NBPF20: variants seen among roughly 807,000 people sequenced by gnomAD.
NBPF20 encodes NBPF member 20.
A neutral mutation model predicts 68.1 loss-of-function variants in NBPF20; 90 were observed. The observed-to-expected ratio is 1.32, with a 90% CI of 1.11 to 1.58. The LOEUF (loss-of-function observed/expected upper bound fraction) is 1.58. Ranked by LOEUF, NBPF20 falls within the 40% of genes most tolerant of loss-of-function variation. The pLI, the probability that NBPF20 is intolerant of heterozygous loss-of-function variation, is 0.00. For missense variants in NBPF20, 816 were observed against 601.2 expected, an observed-to-expected ratio of 1.36 and a Z score of -3.74; for synonymous variants, 290 against 228.1, an observed-to-expected ratio of 1.27 and a Z score of -2.45.
chr1:145,407,615 G>A (rs1662860809), upstream of NBPF20, among the ~76,000 whole-genome samples: 1 of 148,890 alleles, frequency 6.7e-6, no homozygotes, highest in Non-Finnish European at 1.5e-5. Flanking sequence ...TTTTTTAAGT[G>A]GCGGAGCGAG....
chr1:145,419,106 A>T, the NBPF20 span, among the ~76,000 whole-genome samples: 1 of 117,728 alleles, frequency 8.5e-6, no homozygotes, highest in African/African-American at 3.2e-5. Context: ...GAAGGGAGGG[A>T]GGGAGGGAGG....
Position 145,403,269 on chromosome 1 carries a change from TCG to T in NBPF20, c.223_224del (p.Arg75ThrfsTer15). On this transcript the variant is annotated frameshift_variant, in exon 3 of 138. Transcript: ENST00000369373. LOFTEE classifies it high-confidence loss of function. ...CTGCAAGCTTCTCCTCCTTGAACTG[TCG>T]CTCATTCCTCAGCATAGATTTTATG... 6.2e-7 allele frequency: 1 copy of T among 1,611,968 alleles called. No homozygotes were observed. The highest frequency in any genetic ancestry group is 8.5e-7 in the Non-Finnish European group (1 of 1,179,456).
chr1:145,393,871 T>G lies in NBPF20; in HGVS notation c.1043+13A>C. The G allele has an allele frequency of 6.5e-7, 1 of 1,545,250 alleles. No homozygotes were observed. Among genetic ancestry groups the G allele is most frequent in the East Asian group, 2.2e-5 (1 of 44,612 alleles). On this transcript the variant is annotated intron_variant, in intron 9 of 137. Transcript: ENST00000369373. The stretch of plus-strand genomic sequence containing the variant: ...CAACATCAAATTAACTCTCCACAAT[T>G]TCTCAGACTCACCTGGGACCTGTTG...
chr1:145,415,859 C>A, the NBPF20 span, among the ~76,000 whole-genome samples: 2,652 of 143,984 alleles, frequency 0.018, no homozygotes, highest in African/African-American at 0.071. Context: ...CAGGTCAGGC[C>A]GTGGCTCGTG....
At chr1:145,407,617 C>T (rs1156507359), upstream of NBPF20, among the ~76,000 whole-genome samples, 1 of 149,118 alleles carries the variant, frequency 6.7e-6, no homozygotes, top group Admixed American at 6.7e-5. Flanking sequence ...TTTTAAGTGG[C>T]GGAGCGAGGG....
chr1:145,393,730 G>T (rs1553662911), intron 9 of NBPF20, 154 bp downstream of exon 14: 81 of 1,506,182 alleles, frequency 5.4e-5, no homozygotes, highest in Admixed American at 1.2e-4. Flanking sequence ...ACCTAAACAT[G>T]TACTCTAATG....
intron 7 of NBPF20, among the ~76,000 whole-genome samples, chr1:145,397,623 C>A (rs1158709110): frequency 6.6e-6 from 1 of 152,274 alleles, no homozygotes; most frequent in South Asian, 2.1e-4. Flanking sequence ...CCAGCCACTA[C>A]AAAAACATGC....
chr1:145,393,537 C>G (rs61810769), intron 9 of NBPF20, among the ~76,000 whole-genome samples: 3 of 151,648 alleles, frequency 2.0e-5, no homozygotes, highest in Admixed American at 6.6e-5. Context: ...ATGAGGGAGT[C>G]AAAGGACACT....
the NBPF20 span, among the ~76,000 whole-genome samples, chr1:145,413,504 G>C: frequency 6.8e-4 from 104 of 152,208 alleles, no homozygotes; most frequent in Admixed American, 1.3e-3. Context: ...CACAAAACAA[G>C]ATGGATGAAT....
intron 129 of NBPF20, among the ~76,000 whole-genome samples, chr1:145,298,385 C>G (rs1183415705): frequency 2.8e-5 from 4 of 144,144 alleles, no homozygotes; most frequent in African/African-American, 1.2e-4. Context: ...CACACACACA[C>G]ACAGAGAGAG....
chr1:145,425,245 TC>T, the NBPF20 span, among the ~76,000 whole-genome samples: 1 of 32,552 alleles, frequency 3.1e-5, no homozygotes, highest in Non-Finnish European at 7.0e-5. Context: ...CCACCCCGCC[TC>T]GCCCTCCGTC....
At chr1:145,306,188 A>C in intron 119 of NBPF20, 123 bp from the exon 125 acceptor site, 1 of 463,814 alleles carries the variant, frequency 2.2e-6, no homozygotes, top group Non-Finnish European at 3.8e-6. Flanking sequence ...TCCATTAATG[A>C]GGTAACAAAT....
intron 8 of NBPF20, among the ~76,000 whole-genome samples, chr1:145,394,730 A>G (rs1284121289): frequency 3.0e-4 from 45 of 151,942 alleles, no homozygotes; most frequent in Non-Finnish European, 6.2e-4. Context: ...CTTGAGTTCA[A>G]TGTCGTGACA....
In NBPF20 at chr1:145,393,953, T is replaced by C. The variant is rs1313534395; in HGVS notation, c.992-18A>G. ...CCGATGTCCTGCAAATAAATTCAGA[T>C]GGGCCCTCTTACATTAAGCAGTTCT... On this transcript the variant is annotated intron_variant, in intron 8 of 137. Coordinates refer to ENST00000369373, the Ensembl canonical transcript of NBPF20. The C allele has an allele frequency of 4.7e-6, 6 of 1,273,082 alleles. No individual in the cohort carries two copies. The highest frequency in any genetic ancestry group is 6.8e-6 in the Non-Finnish European group (6 of 882,940). The allele number at this position is 1,273,082 out of a possible 1,614,324, so 78.9% of individuals were successfully genotyped here. A position where few individuals can be genotyped will look rare whatever the true frequency, so the allele number is the denominator to read the frequency against.
the NBPF20 span, among the ~76,000 whole-genome samples, chr1:145,417,621 CAAAAAAAA>C: frequency 5.6e-5 from 3 of 53,174 alleles, no homozygotes; most frequent in African/African-American, 1.6e-4. Flanking sequence ...CAACACAAAG[CAAAAAAAA>C]AAAAAAAAAA....
In NBPF20 at chr1:145,405,328, C is replaced by T; in HGVS notation, c.-35-21G>A. On this transcript the variant is annotated intron_variant, in intron 1 of 137. Transcript: ENST00000369373. Reference sequence around the variant, plus strand: ...AGGGACTGGGGAGAAGAAACCCAAACATATGATGGGTTAAAAACTGGTGAA... The same window carrying T: ...AGGGACTGGGGAGAAGAAACCCAAATATATGATGGGTTAAAAACTGGTGAA... 6 of 1,502,084 alleles carry T rather than the reference C, an allele frequency of 4.0e-6. No homozygotes were observed. The South Asian group carries it at 6.8e-5, about 17-fold the overall frequency. The allele number at this position is 1,502,084 out of a possible 1,614,324, so 93.0% of individuals were successfully genotyped here.
chr1:145,404,251 T>G (rs1662661515), intron 2 of NBPF20, among the ~76,000 whole-genome samples: 1 of 122,124 alleles, frequency 8.2e-6, no homozygotes, highest in Non-Finnish European at 1.7e-5. Context: ...TATTTTTGAT[T>G]TATTTATCTT....
chr1:145,393,703 G>C lies in NBPF20; in HGVS notation c.1043+181C>G, dbSNP rs1553662876. 1.1e-5 allele frequency: 16 copies of C among 1,468,266 alleles called. No individual in the cohort carries two copies. In the East Asian group the frequency reaches 3.0e-4, roughly 27 times the overall value. The allele number at this position is 1,468,266 out of a possible 1,614,324, so 91.0% of individuals were successfully genotyped here. On this transcript the variant is annotated intron_variant, in intron 9 of 137. Coordinates refer to ENST00000369373, the Ensembl canonical transcript of NBPF20. ...TTTCACTAGGTTAGTAAATGATAAG[G>C]GTAGGAAGAAATGGAAACCTAAACA...
At chr1:145,412,188 A>T in the NBPF20 span, among the ~76,000 whole-genome samples, 2 of 151,562 alleles carry the variant, frequency 1.3e-5, no homozygotes, top group African/African-American at 4.8e-5. Context: ...GAAAAGGAGG[A>T]GGTACTGAAT....
Sources: gnomAD v4.1 joint callset for allele counts (sites outside exome capture counted in the v4.1 genomes callset) on GRCh38, gnomAD v4.1.1 for gene constraint, MANE v1.5 for transcripts, NCBI Gene and HGNC (gene_info 2026-07-23, HGNC 2026-07-21) for gene names.